Variants in SGCZ observed in about 807,000 individuals in gnomAD.
SGCZ encodes the protein sarcoglycan zeta.
A neutral mutation model predicts 41.3 loss-of-function variants in SGCZ; 40 were observed. The ratio of observed to expected loss-of-function variants is 0.97; its 90% confidence interval spans 0.75 to 1.26. The LOEUF is 1.26. Among genes scored for constraint, SGCZ ranks in the 50% most tolerant of loss-of-function variants. The pLI is 0.00. For missense variants in SGCZ, 552 were observed against 369.8 expected (o/e 1.49, Z -4.04); for synonymous variants, 206 against 137.5 (o/e 1.50, Z -3.49).
intron 2 of SGCZ, among the ~76,000 whole-genome samples, chr8:14,499,179 G>C (rs997972315): frequency 6.6e-6 from 1 of 151,760 alleles, no homozygotes; most frequent in Non-Finnish European, 1.5e-5. Context: ...TATAGCCATG[G>C]ATTCTTTATT....
At chr8:14,672,660 T>G (rs566005943) in intron 1 of SGCZ, among the ~76,000 whole-genome samples, 60 of 152,126 alleles carry the variant, frequency 3.9e-4, no homozygotes, top group Non-Finnish European at 5.4e-4. Flanking sequence ...AAACAGTGTT[T>G]GAATGAAGAC....
intron 1 of SGCZ, among the ~76,000 whole-genome samples, chr8:15,233,507 A>T (rs1411436365): frequency 1.3e-5 from 2 of 151,884 alleles, no homozygotes; most frequent in Non-Finnish European, 2.9e-5. Context: ...TTTCTCACCC[A>T]TATAATACTT....
rs1232510614 is a variant in SGCZ at position 14,088,816 on chromosome 8, T to C, written c.*1627A>G. On this transcript the variant is annotated 3_prime_UTR_variant, in exon 8 of 8. Transcript: ENST00000382080. ...TTTCTTCTTGCATTGCCAATATTTC[T>C]ACTTTCACTAACCACATCTTTTGCA... Among the ~76,000 whole-genome samples the C allele has an allele frequency of 6.6e-6, 1 of 151,932 alleles. No individual in the cohort carries two copies. Among genetic ancestry groups the C allele is most frequent in the African/African-American group, 2.4e-5 (1 of 41,420 alleles).
intron 2 of SGCZ, among the ~76,000 whole-genome samples, chr8:14,497,990 TAA>T (rs1261253135): frequency 2.6e-5 from 4 of 152,166 alleles, no homozygotes; most frequent in African/African-American, 9.7e-5. Flanking sequence ...ATATCATCTA[TAA>T]GTTTTATATT....
chr8:14,515,195 G>A (rs1054328257), intron 2 of SGCZ, among the ~76,000 whole-genome samples: 2 of 151,860 alleles, frequency 1.3e-5, no homozygotes, highest in Non-Finnish European at 2.9e-5. Flanking sequence ...CAATAAAACT[G>A]AACTTCTAGG....
chr8:14,457,535 C>A (rs1347224108), intron 2 of SGCZ, among the ~76,000 whole-genome samples: 1 of 152,208 alleles, frequency 6.6e-6, no homozygotes, highest in Non-Finnish European at 1.5e-5. Context: ...TATCCGGAGG[C>A]CTAACCGTCT....
intron 1 of SGCZ, among the ~76,000 whole-genome samples, chr8:14,650,315 G>T (rs781234825): frequency 3.9e-5 from 6 of 152,016 alleles, no homozygotes; most frequent in Non-Finnish European, 7.4e-5. Flanking sequence ...GCTGGAGGTA[G>T]GACGGAAGTT....
At chr8:14,453,264 G>A (rs746778997) in intron 2 of SGCZ, among the ~76,000 whole-genome samples, 1 of 152,060 alleles carries the variant, frequency 6.6e-6, no homozygotes, top group African/African-American at 2.4e-5. Context: ...TATGTCTGAA[G>A]CTCTGTCTAA....
chr8:15,164,414 C>T (rs1302587945), intron 1 of SGCZ, among the ~76,000 whole-genome samples: 1 of 152,088 alleles, frequency 6.6e-6, no homozygotes, highest in Non-Finnish European at 1.5e-5. Context: ...CATGACAGGA[C>T]TGGGACGCAT....
intron 1 of SGCZ, among the ~76,000 whole-genome samples, chr8:14,756,868 G>C (rs1242414767): frequency 1.3e-5 from 2 of 152,258 alleles, no homozygotes; most frequent in Non-Finnish European, 2.9e-5. Flanking sequence ...CAACAGTAAA[G>C]AGTATCACAG....
intron 2 of SGCZ, among the ~76,000 whole-genome samples, chr8:14,549,309 G>A (rs1194409158): frequency 1.3e-5 from 2 of 151,968 alleles, no homozygotes; most frequent in African/African-American, 4.8e-5. Context: ...AAATTATGCT[G>A]TTTTTCCTCC....
At chr8:14,319,866 C>T (rs1309222678) in intron 3 of SGCZ, among the ~76,000 whole-genome samples, 1 of 151,994 alleles carries the variant, frequency 6.6e-6, no homozygotes, top group Non-Finnish European at 1.5e-5. Flanking sequence ...AAACATGGAG[C>T]TAATGCATTC....
intron 1 of SGCZ, among the ~76,000 whole-genome samples, chr8:15,089,177 T>A (rs1806059757): frequency 6.6e-6 from 1 of 152,168 alleles, no homozygotes. Flanking sequence ...AACCTGGATA[T>A]ACTATAGTCT....
chr8:14,483,125 T>C (rs1801579796), intron 2 of SGCZ, among the ~76,000 whole-genome samples: 1 of 152,206 alleles, frequency 6.6e-6, no homozygotes. Flanking sequence ...TGTGTGTATT[T>C]TAATACTCAT....
chr8:14,280,749 A>G (rs1800398971), intron 3 of SGCZ, among the ~76,000 whole-genome samples: 1 of 151,236 alleles, frequency 6.6e-6, no homozygotes. Context: ...TTATGTTCTT[A>G]TACTTTTGTG....
At chr8:14,786,998 C>T (rs777121639) in intron 1 of SGCZ, among the ~76,000 whole-genome samples, 15 of 152,072 alleles carry the variant, frequency 9.9e-5, no homozygotes, top group Non-Finnish European at 1.9e-4. Context: ...GGGACTCTTC[C>T]TAAACTCTTT....
chr8:14,421,605 A>T (rs1035412664), intron 2 of SGCZ, among the ~76,000 whole-genome samples: 4 of 152,094 alleles, frequency 2.6e-5, no homozygotes, highest in African/African-American at 9.7e-5. Context: ...AAAAATATGA[A>T]GTTTGCTCAT....
At chr8:14,511,002 A>G (rs1802450942) in intron 2 of SGCZ, among the ~76,000 whole-genome samples, 1 of 152,092 alleles carries the variant, frequency 6.6e-6, no homozygotes, top group African/African-American at 2.4e-5. Flanking sequence ...TTTTATAAAG[A>G]TAGATAGAAG....
intron 2 of SGCZ, among the ~76,000 whole-genome samples, chr8:14,405,959 C>T (rs1425527022): frequency 6.6e-6 from 1 of 152,046 alleles, no homozygotes; most frequent in Non-Finnish European, 1.5e-5. Flanking sequence ...GTTAGTTTAC[C>T]TTTGTCATAT....
Sources: allele counts gnomAD v4.1 joint callset (sites outside exome capture counted in the v4.1 genomes callset), GRCh38; gene constraint gnomAD v4.1.1; transcripts MANE v1.5; gene names NCBI Gene and HGNC (gene_info 2026-07-23, HGNC 2026-07-21).